Variants in CTNNA3 observed in about 807,000 individuals in gnomAD.
CTNNA3 encodes catenin alpha-3.
Under a neutral mutation model 95.7 loss-of-function variants are expected in CTNNA3, and 76 were observed. That is an observed-to-expected ratio of 0.79 (90% CI 0.66 to 0.96). The LOEUF (loss-of-function observed/expected upper bound fraction) is 0.96, where lower values mean the gene tolerates loss of function less well. Ranked by LOEUF, CTNNA3 falls within the 40% of genes least tolerant of loss-of-function variation. CTNNA3 has a pLI of 0.00. For missense variants in CTNNA3, 1,191 were observed against 1,089.8 expected, an observed-to-expected ratio of 1.09 and a Z score of -1.31; for synonymous variants, 431 against 374.4, an observed-to-expected ratio of 1.15 and a Z score of -1.74.
intron 5 of CTNNA3, among the ~76,000 whole-genome samples, chr10:67,421,223 A>G (rs1342500608): frequency 6.6e-6 from 1 of 152,190 alleles, no homozygotes; most frequent in Non-Finnish European, 1.5e-5. Context: ...AAAGAATTTG[A>G]AATATGTCTG....
intron 7 of CTNNA3, among the ~76,000 whole-genome samples, chr10:66,818,636 G>C (rs1370473303): frequency 6.6e-6 from 1 of 152,120 alleles, no homozygotes; most frequent in African/African-American, 2.4e-5. Flanking sequence ...CTGGGGAATG[G>C]ATTGGAAGAA....
At chr10:65,993,548 G>C (rs568724150) in intron 15 of CTNNA3, among the ~76,000 whole-genome samples, 2 of 152,072 alleles carry the variant, frequency 1.3e-5, no homozygotes, top group African/African-American at 4.8e-5. Flanking sequence ...GTTTTTATCA[G>C]ATATAAGTAG....
At chr10:66,273,343 C>T (rs939368940) in intron 13 of CTNNA3, among the ~76,000 whole-genome samples, 1 of 152,124 alleles carries the variant, frequency 6.6e-6, no homozygotes. Context: ...CAGAATGGAA[C>T]AGCATGAGGT....
chr10:66,132,294 G>GA (rs2083146720), intron 13 of CTNNA3, among the ~76,000 whole-genome samples: 2 of 152,106 alleles, frequency 1.3e-5, no homozygotes, highest in African/African-American at 4.8e-5. Context: ...ATGAGCATAG[G>GA]AAAAAAAGCT....
chr10:66,614,154 A>G (rs1407321800), intron 10 of CTNNA3, among the ~76,000 whole-genome samples: 1 of 152,084 alleles, frequency 6.6e-6, no homozygotes, highest in Non-Finnish European at 1.5e-5. Flanking sequence ...GCAGAGAGAG[A>G]TAATGCCAGT....
chr10:67,098,558 G>A (rs988409492), intron 7 of CTNNA3: 1 of 152,208 alleles, frequency 6.6e-6, no homozygotes, highest in Non-Finnish European at 1.5e-5. Flanking sequence ...TAATGATAAA[G>A]AGGGATATTT....
chr10:66,697,002 T>C (rs1847789750), intron 9 of CTNNA3, among the ~76,000 whole-genome samples: 1 of 151,986 alleles, frequency 6.6e-6, no homozygotes, highest in African/African-American at 2.4e-5. Flanking sequence ...TCAATTAAAC[T>C]ACAAATTTCT....
At chr10:66,904,181 C>A (rs531478388) in intron 7 of CTNNA3, among the ~76,000 whole-genome samples, 1 of 152,152 alleles carries the variant, frequency 6.6e-6, no homozygotes, top group South Asian at 2.1e-4. Flanking sequence ...GATATATAGA[C>A]CAATGGAACA....
At position 66,768,584 on chromosome 10, in the gene CTNNA3, T is replaced by A. The variant is rs4497281; in HGVS notation, c.1129-2168A>T. Among the ~76,000 whole-genome samples, 411 of 152,296 alleles carry A rather than the reference T, an allele frequency of 2.7e-3. 4 individuals carry two copies. Among genetic ancestry groups the A allele is most frequent in the African/African-American group, 9.5e-3 (393 of 41,564 alleles). ...TATAATATTCCCATCATGGACTTGT[T>A]AAATCTTCTCTGCTGTGTAAATGAT... On this transcript the variant is annotated intron_variant, in intron 8 of 17. Coordinates refer to ENST00000433211, the MANE Select transcript of CTNNA3 (RefSeq NM_013266.4).
intron 1 of CTNNA3, chr10:67,751,002 G>T (rs1841404061): frequency 6.3e-7 from 1 of 1,582,246 alleles, no homozygotes; most frequent in Non-Finnish European, 8.7e-7. Flanking sequence ...TTGCTGCAAG[G>T]CACAAAAAAC....
At chr10:67,156,450 G>T (rs187861173) in intron 7 of CTNNA3, among the ~76,000 whole-genome samples, 1 of 152,114 alleles carries the variant, frequency 6.6e-6, no homozygotes, top group African/African-American at 2.4e-5. Context: ...TGGTTTTGCT[G>T]CATTCCATGA....
chr10:66,134,420 T>C (rs1467598867), intron 13 of CTNNA3, among the ~76,000 whole-genome samples: 1 of 152,148 alleles, frequency 6.6e-6, no homozygotes, highest in Non-Finnish European at 1.5e-5. Context: ...TTGTAGATAT[T>C]ATAGAAAATA....
At chr10:65,934,543 G>A (rs1169612206) in intron 17 of CTNNA3, among the ~76,000 whole-genome samples, 1 of 151,996 alleles carries the variant, frequency 6.6e-6, no homozygotes, top group Non-Finnish European at 1.5e-5. Context: ...TTTATCGATG[G>A]AATCACACTC....
At chr10:66,113,737 C>G (rs1362819561) in intron 13 of CTNNA3, among the ~76,000 whole-genome samples, 1 of 152,084 alleles carries the variant, frequency 6.6e-6, no homozygotes, top group African/African-American at 2.4e-5. Flanking sequence ...TCAGCATATC[C>G]TTTATTCAAC....
At chr10:66,692,065 T>A (rs550186182) in intron 9 of CTNNA3, among the ~76,000 whole-genome samples, 3 of 152,192 alleles carry the variant, frequency 2.0e-5, no homozygotes, top group Admixed American at 2.0e-4. Flanking sequence ...CCTCTCCTCC[T>A]CCAAAGGAAT....
At chr10:67,496,667 T>A (rs2133091393) in intron 5 of CTNNA3, among the ~76,000 whole-genome samples, 2 of 152,300 alleles carry the variant, frequency 1.3e-5, no homozygotes, top group South Asian at 4.1e-4. Flanking sequence ...AAAATTTTAA[T>A]TGCTTATAAC....
chr10:66,635,990 CTGTG>C (rs10527642), intron 9 of CTNNA3, among the ~76,000 whole-genome samples: 4,057 of 145,876 alleles, frequency 0.028, 85 homozygotes, highest in African/African-American at 0.052. Flanking sequence ...TGGAAGAACA[CTGTG>C]TGTGTGTGTG....
At chr10:67,249,708 G>C (rs1017756585) in intron 5 of CTNNA3, among the ~76,000 whole-genome samples, 1 of 152,216 alleles carries the variant, frequency 6.6e-6, no homozygotes, top group African/African-American at 2.4e-5. Flanking sequence ...GCAGGTGACA[G>C]AGCCTATCAT....
intron 17 of CTNNA3, among the ~76,000 whole-genome samples, chr10:65,943,011 G>A (rs1182293805): frequency 6.6e-6 from 1 of 151,724 alleles, no homozygotes; most frequent in African/African-American, 2.4e-5. Flanking sequence ...CGCTAGTAAG[G>A]ATTAATTTTT....
Sources: gnomAD v4.1 joint callset for allele counts (sites outside exome capture counted in the v4.1 genomes callset) on GRCh38, gnomAD v4.1.1 for gene constraint, MANE v1.5 for transcripts, NCBI Gene and HGNC (gene_info 2026-07-23, HGNC 2026-07-21) for gene names.